Variants in FRMD4A observed in about 807,000 individuals in gnomAD.
FRMD4A encodes FERM domain containing 4A, also known as FERM domain-containing protein 4A.
FRMD4A carries 29 observed loss-of-function variants against 129.1 expected under a neutral mutation model. The ratio of observed to expected loss-of-function variants is 0.22; its 90% CI spans 0.17 to 0.31. The LOEUF (loss-of-function observed/expected upper bound fraction) is 0.31, where lower values mean the gene tolerates loss of function less well. Ranked by LOEUF, FRMD4A falls within the 10% of genes least tolerant of loss-of-function variation. The pLI, the probability that FRMD4A is intolerant of heterozygous loss-of-function variation, is 1.00. For missense variants in FRMD4A, 1,272 were observed against 1,375.8 expected, an observed-to-expected ratio of 0.92 and a Z score of 1.19; for synonymous variants, 634 against 571.6, an observed-to-expected ratio of 1.11 and a Z score of -1.56.
At chr10:13,868,011 T>C (rs72771086) in intron 2 of FRMD4A, among the ~76,000 whole-genome samples, 18,028 of 148,452 alleles carry the variant, frequency 0.12, 1,348 homozygotes, top group South Asian at 0.17. Context: ...CCCAGCTACC[T>C]AGGAGGCTAA....
Position 13,657,378 on chromosome 10 carries a change from G to A in FRMD4A, c.2211C>T (p.Ser737=), listed in dbSNP as rs1375006346. The A allele has an allele frequency of 1.9e-6, 3 of 1,612,396 alleles. No individual in the cohort carries two copies. The African/African-American group carries it at 4.0e-5, about 22-fold the overall frequency. ...CGTCCATGGGGTCTGAGCCGTTGCTGCTACGAGTCCGCGGGGTGTAGAAGT... is the reference window on the plus strand; with the variant it reads ...CGTCCATGGGGTCTGAGCCGTTGCTACTACGAGTCCGCGGGGTGTAGAAGT... The part of the protein sequence containing the change: ...SPDFYTPRTR[S]SNGSDPMDDC... Residue 737 remains serine (S), a synonymous_variant, in exon 22 of 25, where the codon AGC becomes AGT. Transcript: ENST00000357447.
At chr10:14,058,398 G>A (rs145692560) in intron 2 of FRMD4A, among the ~76,000 whole-genome samples, 2 of 152,092 alleles carry the variant, frequency 1.3e-5, no homozygotes, top group Non-Finnish European at 2.9e-5. Flanking sequence ...TTACCTTTTA[G>A]GTACGTTGTC....
intron 6 of FRMD4A, 39 bp downstream of exon 6, chr10:13,782,883 C>A (rs1291169886): frequency 2.2e-6 from 2 of 889,450 alleles, no homozygotes; most frequent in Non-Finnish European, 3.9e-6. Flanking sequence ...ATGATACTTT[C>A]AGGTTTCAGA....
chr10:13,902,488 A>AGAGAGAGT (rs1371838262), intron 2 of FRMD4A, among the ~76,000 whole-genome samples: 84 of 151,666 alleles, frequency 5.5e-4, no homozygotes, highest in African/African-American at 2.0e-3. Context: ...AGAGAGAGAG[A>AGAGAGAGT]GAGTGACAGA....
intron 2 of FRMD4A, among the ~76,000 whole-genome samples, chr10:13,974,182 T>C (rs1588642021): frequency 6.6e-6 from 1 of 152,092 alleles, no homozygotes; most frequent in African/African-American, 2.4e-5. Context: ...CTTTAAAAAT[T>C]AAAAAAGTGA....
chr10:14,224,084 A>G (rs2400059), intron 2 of FRMD4A, among the ~76,000 whole-genome samples: 116,747 of 151,746 alleles, frequency 0.77, 46,452 homozygotes, highest in Middle Eastern at 0.92. Context: ...TGGCTCTCAC[A>G]AACAGGACGG....
At chr10:13,884,146 T>TCACACG (rs2094581753) in intron 2 of FRMD4A, among the ~76,000 whole-genome samples, 2 of 99,302 alleles carry the variant, frequency 2.0e-5, no homozygotes, top group Non-Finnish European at 4.0e-5. Context: ...ACACACACTC[T>TCACACG]CACACACTCT....
At position 14,320,270 on chromosome 10, in the gene FRMD4A, C is replaced by T. The variant is rs74744420; in HGVS notation, c.45+9788G>A. Among the ~76,000 whole-genome samples, 438 of 152,296 alleles carry T rather than the reference C, an allele frequency of 2.9e-3. 1 individual carries two copies. The highest frequency in any genetic ancestry group is 4.8e-3 in the Non-Finnish European group (324 of 68,030). ...CCTGCAGCTCCAATCCAGATGCCCC[C>T]AAGAGCATTTGCAATGTCTTGCCTT... On this transcript the variant is annotated intron_variant, in intron 2 of 24. Coordinates refer to ENST00000357447, the MANE Select transcript of FRMD4A (RefSeq NM_018027.5).
intron 6 of FRMD4A, among the ~76,000 whole-genome samples, chr10:13,766,942 G>A (rs1379233917): frequency 6.6e-6 from 1 of 152,090 alleles, no homozygotes; most frequent in Non-Finnish European, 1.5e-5. Context: ...GCGTGGTGGT[G>A]CACGCCTGTA....
At chr10:13,995,619 T>C (rs749331102) in intron 2 of FRMD4A, among the ~76,000 whole-genome samples, 3 of 152,148 alleles carry the variant, frequency 2.0e-5, no homozygotes, top group Non-Finnish European at 1.5e-5. Flanking sequence ...ATGGACGCTA[T>C]GGCTGAACCA....
intron 12 of FRMD4A, among the ~76,000 whole-genome samples, chr10:13,734,366 G>C (rs1451550264): frequency 6.6e-6 from 1 of 152,114 alleles, no homozygotes; most frequent in Non-Finnish European, 1.5e-5. Context: ...ATACTCCTCA[G>C]CTTCAAATAG....
At chr10:14,275,968 G>A (rs1845325982) in intron 2 of FRMD4A, among the ~76,000 whole-genome samples, 1 of 152,214 alleles carries the variant, frequency 6.6e-6, no homozygotes, top group Non-Finnish European at 1.5e-5. Flanking sequence ...GAGTCTGGAG[G>A]TGGAGGCTTC....
chr10:13,857,410 G>A (rs1270990579), intron 3 of FRMD4A, among the ~76,000 whole-genome samples: 8 of 152,110 alleles, frequency 5.3e-5, no homozygotes, highest in Non-Finnish European at 8.8e-5. Context: ...AGCCATGCAA[G>A]AAATATAAAT....
intron 2 of FRMD4A, among the ~76,000 whole-genome samples, chr10:14,173,631 G>C (rs1841586259): frequency 6.6e-6 from 1 of 152,132 alleles, no homozygotes; most frequent in South Asian, 2.1e-4. Context: ...TGCCTTAAAC[G>C]TGTTACTCCT....
intron 2 of FRMD4A, among the ~76,000 whole-genome samples, chr10:14,125,972 C>T (rs370956470): frequency 4.1e-4 from 63 of 152,294 alleles, no homozygotes; most frequent in African/African-American, 1.4e-3. Flanking sequence ...ACTTTATTTA[C>T]TAAACCGATG....
At chr10:14,178,405 C>A (rs1841804015) in intron 2 of FRMD4A, among the ~76,000 whole-genome samples, 1 of 152,146 alleles carries the variant, frequency 6.6e-6, no homozygotes, top group Non-Finnish European at 1.5e-5. Context: ...CACTTAAAAG[C>A]ACAAAGTCTT....
intron 2 of FRMD4A, among the ~76,000 whole-genome samples, chr10:13,881,986 C>A (rs1250988487): frequency 8.4e-6 from 1 of 119,398 alleles, no homozygotes; most frequent in Non-Finnish European, 1.7e-5. Context: ...TGGGGAGAGG[C>A]AAGGGTGTGT....
chr10:14,018,874 T>A (rs1247615825), intron 2 of FRMD4A, among the ~76,000 whole-genome samples: 1 of 152,096 alleles, frequency 6.6e-6, no homozygotes, highest in Non-Finnish European at 1.5e-5. Context: ...GCCTGAACAT[T>A]TTGACCTGGA....
Position 13,693,918 on chromosome 10 carries a change from C to T in FRMD4A, c.1097G>A (p.Ser366Asn), listed in dbSNP as rs2085967472. The change falls in exon 15 of 25, where the codon AGC becomes AAC. Residue 366 changes from serine (S) to asparagine (N), a missense_variant. Transcript: ENST00000357447. ...GSKGKIISGSSGSLLSSGSQE... is the reference protein window; with the variant it reads ...GSKGKIISGSNGSLLSSGSQE... ...CCTACCTGAAGACAGCAGGCTGCCG[C>T]TGCTGCCGCTGATGATCTTCCCCTT... 1 of 1,607,948 alleles carries T rather than the reference C, an allele frequency of 6.2e-7. No individual in the cohort carries two copies. Among genetic ancestry groups the T allele is most frequent in the Admixed American group, 1.7e-5 (1 of 58,402 alleles).
Sources: allele counts gnomAD v4.1 joint callset (sites outside exome capture counted in the v4.1 genomes callset), GRCh38; gene constraint gnomAD v4.1.1; transcripts MANE v1.5; gene names NCBI Gene and HGNC (gene_info 2026-07-23, HGNC 2026-07-21).